MIS18A: variants seen among roughly 807,000 people sequenced by gnomAD.
MIS18A encodes MIS18 kinetochore protein A.
A neutral mutation model predicts 25.0 loss-of-function variants in MIS18A; 14 were observed. The ratio of observed to expected loss-of-function variants is 0.56; its 90% confidence interval spans 0.37 to 0.88. The LOEUF (loss-of-function observed/expected upper bound fraction) is 0.88, where lower values mean the gene tolerates loss of function less well. Ranked by LOEUF, MIS18A falls within the 40% of genes least tolerant of loss-of-function variation. MIS18A has a pLI of 0.00. For missense variants in MIS18A, 292 were observed against 290.8 expected (o/e 1.00, Z -0.03); for synonymous variants, 134 against 118.6 (o/e 1.13, Z -0.84).
chr21:32,274,100 ATT>A (rs369256975), intron 2 of MIS18A, among the ~76,000 whole-genome samples: 46 of 151,578 alleles, frequency 3.0e-4, no homozygotes, highest in African/African-American at 9.9e-4. Flanking sequence ...TGACAGCAGC[ATT>A]TTATGTGTGT....
chr21:32,155,844 G>A, the MIS18A span, among the ~76,000 whole-genome samples: 5 of 151,812 alleles, frequency 3.3e-5, no homozygotes, highest in Admixed American at 6.6e-5. Flanking sequence ...GCAAGAAATC[G>A]ACTGGCCATA....
At chr21:32,179,737 G>A in the MIS18A span, among the ~76,000 whole-genome samples, 1 of 152,190 alleles carries the variant, frequency 6.6e-6, no homozygotes, top group Non-Finnish European at 1.5e-5. Context: ...AGATAAATGA[G>A]GAGTAGCCCA....
the MIS18A span, among the ~76,000 whole-genome samples, chr21:32,244,042 T>C: frequency 6.6e-6 from 1 of 151,958 alleles, no homozygotes; most frequent in Non-Finnish European, 1.5e-5. Flanking sequence ...GTTAACAAAT[T>C]GTAATACATC....
chr21:32,206,322 T>G, the MIS18A span, among the ~76,000 whole-genome samples: 4 of 152,230 alleles, frequency 2.6e-5, no homozygotes, highest in South Asian at 8.3e-4. Flanking sequence ...CTGACAGCTC[T>G]CTCCAAAAGG....
the MIS18A span, among the ~76,000 whole-genome samples, chr21:32,183,966 G>C: frequency 1.3e-5 from 2 of 152,148 alleles, no homozygotes; most frequent in African/African-American, 4.8e-5. Context: ...GTATTTAAGG[G>C]AAGGACATTC....
the MIS18A span, among the ~76,000 whole-genome samples, chr21:32,154,977 G>A: frequency 6.6e-6 from 1 of 152,126 alleles, no homozygotes; most frequent in Non-Finnish European, 1.5e-5. Flanking sequence ...CTGTGAGTTT[G>A]GTTTTTGTTA....
chr21:32,182,530 C>T, the MIS18A span, among the ~76,000 whole-genome samples: 1 of 152,228 alleles, frequency 6.6e-6, no homozygotes, highest in Non-Finnish European at 1.5e-5. Context: ...TTTCATCATT[C>T]CCGGCTGCTC....
chr21:32,267,909 C>G (rs1053592812), downstream of MIS18A, among the ~76,000 whole-genome samples: 1 of 152,182 alleles, frequency 6.6e-6, no homozygotes, highest in African/African-American at 2.4e-5. Flanking sequence ...AGGCTGTCGA[C>G]AATCTCTCAG....
the MIS18A span, among the ~76,000 whole-genome samples, chr21:32,205,460 C>T: frequency 3.9e-5 from 6 of 152,068 alleles, no homozygotes; most frequent in African/African-American, 1.4e-4. Context: ...AGATAGAGCA[C>T]CTGCAATGAA....
the MIS18A span, among the ~76,000 whole-genome samples, chr21:32,205,256 C>T: frequency 6.6e-6 from 1 of 151,828 alleles, no homozygotes; most frequent in Non-Finnish European, 1.5e-5. Flanking sequence ...AGGCGCCTGC[C>T]ACCACGCCCG....
At chr21:32,168,785 C>A in the MIS18A span, among the ~76,000 whole-genome samples, 2 of 152,056 alleles carry the variant, frequency 1.3e-5, no homozygotes, top group South Asian at 4.2e-4. Context: ...AAAACACAAT[C>A]CTTTTAAAGC....
chr21:32,222,267 T>C, the MIS18A span, among the ~76,000 whole-genome samples: 1 of 152,146 alleles, frequency 6.6e-6, no homozygotes, highest in African/African-American at 2.4e-5. Context: ...ATGCACCCAA[T>C]ACAGGAGAAC....
At chr21:32,205,225 C>T in the MIS18A span, among the ~76,000 whole-genome samples, 1 of 150,992 alleles carries the variant, frequency 6.6e-6, no homozygotes, top group African/African-American at 2.4e-5. Context: ...CTGCCTCAGC[C>T]TCCTGAGTAG....
At chr21:32,198,437 C>A in the MIS18A span, among the ~76,000 whole-genome samples, 1 of 152,246 alleles carries the variant, frequency 6.6e-6, no homozygotes. Context: ...AATTTACCAG[C>A]GACTCTTTTG....
chr21:32,157,054 C>CTTTTTTT, the MIS18A span, among the ~76,000 whole-genome samples: 1 of 121,552 alleles, frequency 8.2e-6, no homozygotes, highest in Non-Finnish European at 1.7e-5. Flanking sequence ...TTCTTTCTTT[C>CTTTTTTT]TTTTTTTTTT....
At chr21:32,226,002 T>G in the MIS18A span, among the ~76,000 whole-genome samples, 1 of 70,224 alleles carries the variant, frequency 1.4e-5, no homozygotes, top group Non-Finnish European at 2.6e-5. Context: ...AAATTGGAAA[T>G]CATCATTCTC....
the MIS18A span, among the ~76,000 whole-genome samples, chr21:32,205,097 CTTTTTTTTTTT>C: frequency 1.5e-5 from 1 of 66,182 alleles, no homozygotes; most frequent in Non-Finnish European, 2.5e-5. Context: ...AGAACTTGTC[CTTTTTTTTTTT>C]TTTTTTTTTT....
At chr21:32,168,432 T>C in the MIS18A span, among the ~76,000 whole-genome samples, 2 of 152,196 alleles carry the variant, frequency 1.3e-5, no homozygotes, top group Non-Finnish European at 2.9e-5. Context: ...CCAGGAGACT[T>C]ATGTTAAAAA....
chr21:32,188,411 T>A, the MIS18A span, among the ~76,000 whole-genome samples: 2 of 152,176 alleles, frequency 1.3e-5, no homozygotes, highest in African/African-American at 4.8e-5. Flanking sequence ...GCAAGTTACA[T>A]TGCAAGAGAG....
Sources: gnomAD v4.1 joint callset for allele counts (sites outside exome capture counted in the v4.1 genomes callset) on GRCh38, gnomAD v4.1.1 for gene constraint, MANE v1.5 for transcripts, NCBI Gene and HGNC (gene_info 2026-07-23, HGNC 2026-07-21) for gene names.